The following NTN1 variants were observed in gnomAD, a reference collection of about 807,000 sequenced individuals.
The protein encoded by NTN1 is netrin-1.
Under a neutral mutation model 54.2 loss-of-function variants are expected in NTN1, and 11 were observed. That is an observed-to-expected ratio of 0.20 (90% CI 0.13 to 0.34). NTN1 has a LOEUF of 0.34. Among genes scored for constraint, NTN1 ranks in the 10% least tolerant of loss-of-function variants. NTN1 has a pLI of 1.00. For synonymous variants in NTN1, 371 were observed against 382.0 expected (o/e 0.97, Z 0.33); for missense variants, 740 against 893.1 (o/e 0.83, Z 2.18).
chr17:9,236,777 A>G (rs1906006453), intron 6 of NTN1, among the ~76,000 whole-genome samples: 1 of 152,208 alleles, frequency 6.6e-6, no homozygotes, highest in Non-Finnish European at 1.5e-5. Flanking sequence ...GGTGTTAGGC[A>G]GTTAAGCAGG....
At chr17:9,060,845 G>T (rs138474838) in intron 2 of NTN1, among the ~76,000 whole-genome samples, 1 of 151,824 alleles carries the variant, frequency 6.6e-6, no homozygotes, top group Non-Finnish European at 1.5e-5. Context: ...GCATGGTGGC[G>T]CGTGCCTGTA....
chr17:9,218,523 G>C (rs982705701), intron 5 of NTN1, among the ~76,000 whole-genome samples: 5 of 152,216 alleles, frequency 3.3e-5, no homozygotes, highest in Admixed American at 2.6e-4. Flanking sequence ...GGCAGTCTCT[G>C]TCCCAGGTAG....
rs1905352559 is a variant in NTN1 at position 9,221,498 on chromosome 17, C to G, written c.1486+256C>G. On this transcript the variant is annotated intron_variant, in intron 6 of 6. Coordinates refer to ENST00000173229, the MANE Select transcript of NTN1 (RefSeq NM_004822.3). This position sits in a 1 kb window ranked among gnomAD's most constrained non-coding sequence, Gnocchi z 4.5. ...CTGAGGCTGGGACACCCAGGCTGGC[C>G]TCTGGCTTTGACTCTGCCGCTGATG... 6.6e-6 allele frequency among the ~76,000 whole-genome samples: 1 copy of G among 152,206 alleles called. No homozygotes were observed. Among genetic ancestry groups the G allele is most frequent in the African/African-American group, 2.4e-5 (1 of 41,456 alleles).
intron 5 of NTN1, among the ~76,000 whole-genome samples, chr17:9,189,482 G>A (rs1406409678): frequency 1.3e-5 from 2 of 152,194 alleles, no homozygotes; most frequent in East Asian, 3.8e-4. Context: ...TTCCTGAGTA[G>A]CTGGGATTAT....
intron 6 of NTN1, among the ~76,000 whole-genome samples, chr17:9,235,373 G>A (rs1905949567): frequency 6.6e-6 from 1 of 152,096 alleles, no homozygotes. Context: ...ACATGGTGGG[G>A]GATCCTCAGC....
chr17:9,086,679 GTCA>G (rs1049439535), intron 2 of NTN1, among the ~76,000 whole-genome samples: 1 of 152,108 alleles, frequency 6.6e-6, no homozygotes, highest in African/African-American at 2.4e-5. Flanking sequence ...CACCATTGAT[GTCA>G]TCATCATCAT....
At chr17:9,235,687 TCA>T (rs1253896896) in intron 6 of NTN1, among the ~76,000 whole-genome samples, 4 of 152,024 alleles carry the variant, frequency 2.6e-5, no homozygotes, top group Non-Finnish European at 5.9e-5. Context: ...TGCTGTGTCC[TCA>T]CACAGTGGAA....
chr17:9,193,943 A>AC, intron 5 of NTN1, among the ~76,000 whole-genome samples: 1 of 146,650 alleles, frequency 6.8e-6, no homozygotes, highest in African/African-American at 2.6e-5. Flanking sequence ...AAAAAAAAAA[A>AC]ACATTATGCA....
chr17:9,051,041 GGA>G (rs1439484657), intron 2 of NTN1, among the ~76,000 whole-genome samples: 1 of 152,150 alleles, frequency 6.6e-6, no homozygotes, highest in Non-Finnish European at 1.5e-5. Context: ...GTGTGTCCTG[GGA>G]GAGAGAGGAT....
chr17:9,194,309 G>A (rs1904564234), intron 5 of NTN1, among the ~76,000 whole-genome samples: 1 of 152,182 alleles, frequency 6.6e-6, no homozygotes, highest in African/African-American at 2.4e-5. Context: ...CCATTCCTGG[G>A]CTGCTTTCGA....
chr17:9,146,276 C>T (rs1232865922), intron 2 of NTN1, among the ~76,000 whole-genome samples: 3 of 152,172 alleles, frequency 2.0e-5, no homozygotes, highest in South Asian at 2.1e-4. Context: ...GACTGCTCCA[C>T]GTGAGTCATG....
chr17:9,156,078 C>A (rs1456368154), intron 2 of NTN1, among the ~76,000 whole-genome samples: 1 of 152,176 alleles, frequency 6.6e-6, no homozygotes, highest in African/African-American at 2.4e-5. Flanking sequence ...AAGCGCCCCC[C>A]ACCGACCTGC....
intron 6 of NTN1, among the ~76,000 whole-genome samples, chr17:9,224,468 C>T (rs552333155): frequency 1.3e-5 from 2 of 152,340 alleles, no homozygotes; most frequent in South Asian, 4.1e-4. Flanking sequence ...CCGACTCCCT[C>T]ATGGGTTATC....
chr17:9,075,279 G>A (rs2092045635), intron 2 of NTN1, among the ~76,000 whole-genome samples: 2 of 152,134 alleles, frequency 1.3e-5, no homozygotes, highest in South Asian at 4.1e-4. Flanking sequence ...CCAGGAGTTC[G>A]AGACTAGCCT....
At chr17:9,112,467 C>G (rs991059106) in intron 2 of NTN1, among the ~76,000 whole-genome samples, 7 of 152,144 alleles carry the variant, frequency 4.6e-5, no homozygotes, top group African/African-American at 1.7e-4. Context: ...ATACTGTAAA[C>G]AAGTGTCTTT....
chr17:9,041,949 C>T (rs2091923037), intron 2 of NTN1, among the ~76,000 whole-genome samples: 1 of 151,144 alleles, frequency 6.6e-6, no homozygotes, highest in Admixed American at 6.6e-5. Context: ...GTGGAGGTTG[C>T]TGTGAGCTGA....
intron 2 of NTN1, among the ~76,000 whole-genome samples, chr17:9,161,311 G>A (rs1044609675): frequency 3.3e-5 from 5 of 152,204 alleles, no homozygotes; most frequent in Non-Finnish European, 5.9e-5. Context: ...GCCCCAGAGG[G>A]GCAGGCGAGG....
At chr17:9,091,733 G>A (rs71371887) in intron 2 of NTN1, among the ~76,000 whole-genome samples, 12,422 of 151,928 alleles carry the variant, frequency 0.082, 639 homozygotes, top group Non-Finnish European at 0.11. Flanking sequence ...GATTACAAGC[G>A]TGAGCCACCG....
the NTN1 span, among the ~76,000 whole-genome samples, chr17:9,005,218 T>A: frequency 6.6e-6 from 1 of 152,198 alleles, no homozygotes; most frequent in African/African-American, 2.4e-5. Flanking sequence ...CGGGTTCTGA[T>A]ATCCAGCTGT....
Sources: allele counts gnomAD v4.1 joint callset (sites outside exome capture counted in the v4.1 genomes callset), GRCh38; gene constraint gnomAD v4.1.1; non-coding constraint Gnocchi (gnomAD v3.1); transcripts MANE v1.5; gene names NCBI Gene and HGNC (gene_info 2026-07-23, HGNC 2026-07-21).